The following GPC3 variants were observed in gnomAD, a reference collection of about 807,000 sequenced individuals.
The protein encoded by GPC3 is glypican-3.
GPC3 carries 3 observed loss-of-function variants against 34.4 expected under a neutral mutation model. The observed-to-expected ratio is 0.09, with a 90% CI of 0.04 to 0.23. The LOEUF is 0.23. Ranked by LOEUF, GPC3 falls within the 10% of genes least tolerant of loss-of-function variation. The pLI, the probability that GPC3 is intolerant of heterozygous loss-of-function variation, is 1.00. For synonymous variants in GPC3, 177 were observed against 174.0 expected (o/e 1.02, Z -0.13); for missense variants, 351 against 445.6 (o/e 0.79, Z 1.91).
chrX:133,680,490 GGAAGCTCCTGTGACA>G (rs1380489265), intron 5 of GPC3, among the ~76,000 whole-genome samples: 4 of 112,088 alleles, frequency 3.6e-5, no homozygotes, highest in Non-Finnish European at 5.6e-5. Flanking sequence ...GCAAAAAATA[GGAAGCTCCTGTGACA>G]CTGGAGTTAC....
chrX:133,711,471 G>C (rs2071266706), intron 3 of GPC3, among the ~76,000 whole-genome samples: 2 of 111,077 alleles, frequency 1.8e-5, no homozygotes, highest in African/African-American at 6.6e-5. Context: ...GTGGAGCCCA[G>C]CTTTTAACAA....
Position 133,536,135 on chromosome X carries a change from G to A in GPC3, c.1732C>T (p.Leu578=). ...MAISVVCFFF[L]VH The stretch of plus-strand genomic sequence containing the variant: ...TGGGCACCAGGCAGTCAGTGCACCA[G>A]GAAGAAGAAGCACACCACCGAGATG... The change falls in exon 8 of 8, where the codon CTG becomes TTG. Residue 578 remains leucine, a synonymous_variant. Coordinates refer to ENST00000370818, the MANE Select transcript of GPC3 (RefSeq NM_004484.4). 8.3e-7 allele frequency: 1 copy of A among 1,198,809 alleles called. No individual in the cohort carries two copies. The highest frequency in any genetic ancestry group is 1.1e-6 in the Non-Finnish European group (1 of 888,531).
At chrX:133,654,573 G>A (rs973224792) in intron 6 of GPC3, among the ~76,000 whole-genome samples, 2 of 110,200 alleles carry the variant, frequency 1.8e-5, no homozygotes, top group African/African-American at 3.3e-5. Flanking sequence ...TTAGCTGGGC[G>A]CAGTGGTGGG....
intron 3 of GPC3, among the ~76,000 whole-genome samples, chrX:133,746,833 T>C (rs1398691553): frequency 9.0e-6 from 1 of 111,581 alleles, no homozygotes; most frequent in African/African-American, 3.3e-5. Flanking sequence ...AAAATGAAAG[T>C]CCAAAGTGAT....
chrX:133,974,208 C>T (rs751553837), intron 1 of GPC3, among the ~76,000 whole-genome samples: 1 of 111,316 alleles, frequency 9.0e-6, no homozygotes, highest in Admixed American at 9.6e-5. Context: ...TGCCACTATG[C>T]CCAGCTAATT....
At chrX:133,918,493 C>A (rs1055822874) in intron 2 of GPC3, among the ~76,000 whole-genome samples, 1 of 112,499 alleles carries the variant, frequency 8.9e-6, no homozygotes, top group Non-Finnish European at 1.9e-5. Flanking sequence ...GGATGACAAT[C>A]TAGTGAAATG....
At chrX:133,744,400 CAT>C (rs2071592491) in intron 3 of GPC3, among the ~76,000 whole-genome samples, 1 of 112,802 alleles carries the variant, frequency 8.9e-6, no homozygotes, top group African/African-American at 3.2e-5. Context: ...GGCCAACAAA[CAT>C]ATGAGAAAAA....
intron 2 of GPC3, among the ~76,000 whole-genome samples, chrX:133,877,865 C>T (rs1052070737): frequency 1.8e-5 from 2 of 111,464 alleles, no homozygotes; most frequent in Non-Finnish European, 3.8e-5. Context: ...ATAATACATA[C>T]ACAAACACAC....
chrX:133,877,183 C>A (rs2076020603), intron 2 of GPC3, among the ~76,000 whole-genome samples: 1 of 111,432 alleles, frequency 9.0e-6, no homozygotes, highest in Non-Finnish European at 1.9e-5. Flanking sequence ...AGTGAGTCCT[C>A]ACTATATATC....
At chrX:133,789,557 C>A (rs2072139705) in intron 2 of GPC3, among the ~76,000 whole-genome samples, 1 of 111,704 alleles carries the variant, frequency 9.0e-6, no homozygotes. Flanking sequence ...CTTCCAGGAT[C>A]TCCAGGGGAC....
intron 5 of GPC3, among the ~76,000 whole-genome samples, chrX:133,664,365 G>C (rs891619657): frequency 8.9e-6 from 1 of 112,001 alleles, no homozygotes; most frequent in African/African-American, 3.2e-5. Flanking sequence ...TCCACTTAAG[G>C]TAGGCATTAA....
intron 1 of GPC3, among the ~76,000 whole-genome samples, chrX:133,956,740 C>T (rs774356979): frequency 9.0e-6 from 1 of 111,569 alleles, no homozygotes; most frequent in Admixed American, 9.5e-5. Context: ...TAGTACTGGT[C>T]CTATTCCCAC....
chrX:133,605,995 C>T (rs1211669485), intron 6 of GPC3, among the ~76,000 whole-genome samples: 3 of 112,326 alleles, frequency 2.7e-5, no homozygotes, highest in African/African-American at 9.7e-5. Flanking sequence ...CTTGCTTCCA[C>T]ATCTGCCTCT....
intron 7 of GPC3, among the ~76,000 whole-genome samples, chrX:133,583,840 T>C (rs781498104): frequency 5.3e-5 from 6 of 112,235 alleles, no homozygotes; most frequent in Admixed American, 1.9e-4. Flanking sequence ...TCCTCTTCCA[T>C]ATGCAAGACT....
At chrX:133,562,178 G>A (rs1603160230) in intron 7 of GPC3, among the ~76,000 whole-genome samples, 2 of 111,756 alleles carry the variant, frequency 1.8e-5, no homozygotes, top group Non-Finnish European at 1.9e-5. Flanking sequence ...CCTGAAAAAT[G>A]TTTGGGTACC....
chrX:133,574,353 AAAAGAG>A (rs1318210986), intron 7 of GPC3, among the ~76,000 whole-genome samples: 14 of 106,717 alleles, frequency 1.3e-4, no homozygotes, highest in African/African-American at 2.3e-4. Flanking sequence ...TATTGAGAAA[AAAAGAG>A]AGAGAGAGAG....
intron 2 of GPC3, among the ~76,000 whole-genome samples, chrX:133,899,663 A>T (rs2076135388): frequency 9.0e-6 from 1 of 111,502 alleles, no homozygotes; most frequent in African/African-American, 3.3e-5. Flanking sequence ...CTACAGCTCA[A>T]GGAATGCTCA....
intron 2 of GPC3, among the ~76,000 whole-genome samples, chrX:133,925,249 A>T (rs759522598): frequency 9.1e-6 from 1 of 109,820 alleles, no homozygotes; most frequent in African/African-American, 3.3e-5. Flanking sequence ...CCCTTTTATG[A>T]TAGGGGTACT....
chrX:133,693,595 T>C lies in GPC3; in HGVS notation c.1167-1101A>G, dbSNP rs182337833. Among the ~76,000 whole-genome samples, 764 of 111,399 alleles carry C rather than the reference T, an allele frequency of 6.9e-3. 2 individuals carry two copies. The highest frequency in any genetic ancestry group is 0.011 in the Non-Finnish European group (591 of 53,027). On this transcript the variant is annotated intron_variant, in intron 4 of 7. Coordinates refer to ENST00000370818, the MANE Select transcript of GPC3 (RefSeq NM_004484.4). ...TATTGTCTCCAGGCTAAGAATGGAC[T>C]GGCCTGATGTACAGGCCTCTATAGG... is the stretch of plus-strand genomic sequence containing the variant.
Sources: gnomAD v4.1 joint callset for allele counts (sites outside exome capture counted in the v4.1 genomes callset) on GRCh38, gnomAD v4.1.1 for gene constraint, MANE v1.5 for transcripts, NCBI Gene and HGNC (gene_info 2026-07-23, HGNC 2026-07-21) for gene names.